ADCY4: variants seen among roughly 807,000 people sequenced by gnomAD.
ADCY4 encodes adenylate cyclase type 4.
Under a neutral mutation model 125.5 loss-of-function variants are expected in ADCY4, and 111 were observed. The ratio of observed to expected loss-of-function variants is 0.88; its 90% confidence interval spans 0.76 to 1.04. The LOEUF is 1.04. Among genes scored for constraint, ADCY4 ranks in the 50% least tolerant of loss-of-function variants. The pLI is 0.00. For missense variants in ADCY4, 1,256 were observed against 1,382.9 expected (o/e 0.91, Z 1.46); for synonymous variants, 576 against 586.9 (o/e 0.98, Z 0.27).
chr14:24,321,800 G>C, intron 20 of ADCY4: 4 of 1,174,944 alleles, frequency 3.4e-6, no homozygotes, highest in Non-Finnish European at 4.2e-6. Flanking sequence ...GCTCCAGACA[G>C]CTCCCATCAA....
chr14:24,332,939 C>T lies in ADCY4; in HGVS notation c.209G>A (p.Gly70Asp). The change falls in exon 2 of 25, where the codon GGC (glycine) becomes GAC (aspartate). Residue 70 changes from glycine to aspartate, a missense_variant. By Grantham distance (94) the Gly-to-Asp change is moderately conservative. Coordinates refer to ENST00000418030, the MANE Select transcript of ADCY4 (RefSeq NM_001198568.2). Reference sequence around the variant, plus strand: ...GAGGCCCAGCAGCAGCGAGAAGCCGCCCAGCGCGCACAGCACAGTGGTCAG... The same window carrying T: ...GAGGCCCAGCAGCAGCGAGAAGCCGTCCAGCGCGCACAGCACAGTGGTCAG... ...SFLTTVLCAL[G>D]GFSLLLGLAS... 1 of 1,593,838 alleles carries T rather than the reference C, an allele frequency of 6.3e-7. No homozygotes were observed. Among genetic ancestry groups the T allele is most frequent in the Non-Finnish European group, 8.6e-7 (1 of 1,168,762 alleles).
At chr14:24,328,615 C>T (rs549010396) in intron 10 of ADCY4, 14 of 169,770 alleles carry the variant, frequency 8.2e-5, no homozygotes, top group Admixed American at 1.8e-4. Flanking sequence ...ACATTCTTTA[C>T]CTTGCCCCTT....
In ADCY4 at chr14:24,329,919, G is replaced by C. The variant is rs144713022; in HGVS notation, c.1158C>G (p.Tyr386Ter). 1 of 1,614,080 alleles carries C rather than the reference G, an allele frequency of 6.2e-7. No individual in the cohort carries two copies. Among genetic ancestry groups the C allele is most frequent in the South Asian group, 1.1e-5 (1 of 91,082 alleles). ...GTGTGACATCATGTGACCAAACGTCGTACTGCCACTTCTGCAGCCCGATGA... is the reference window on the plus strand; with the variant it reads ...GTGTGACATCATGTGACCAAACGTCCTACTGCCACTTCTGCAGCCCGATGA... Reference protein sequence around the residue: ...CGVIGLQKWQYDVWSHDVTLA... With the variant: ...CGVIGLQKWQ The change falls in exon 8 of 25, where the codon TAC becomes TAG. Residue 386 changes from tyrosine to a stop codon, truncating the protein, a stop_gained. Coordinates refer to ENST00000418030, the MANE Select transcript of ADCY4 (RefSeq NM_001198568.2). LOFTEE classifies it high-confidence loss of function.
At chr14:24,331,461 C>T (rs2042039865) in intron 4 of ADCY4, 105 bp from the exon 5 acceptor site, 1 of 1,490,128 alleles carries the variant, frequency 6.7e-7, no homozygotes. Context: ...AGGTGCTCCC[C>T]AGGGTGCTCC....
chr14:24,331,852 G>A lies in ADCY4; in HGVS notation c.605C>T (p.Thr202Met). The change falls in exon 4 of 25, where the codon ACG (threonine) becomes ATG (methionine). Residue 202 changes from threonine to methionine, a missense_variant. Physicochemically the swap from Thr to Met is moderately conservative, Grantham distance 81. Coordinates refer to ENST00000418030, the MANE Select transcript of ADCY4 (RefSeq NM_001198568.2). The stretch of plus-strand genomic sequence containing the variant: ...CAGGGAGCTGAGTGCCTCCCGGAAC[G>A]TGGCCCGCAGGGCGCGCTCCATCAG... ...KALMERALRA[T>M]FREALSSLHS... 3 of 1,603,416 alleles carry A rather than the reference G, an allele frequency of 1.9e-6. No homozygotes were observed. Among genetic ancestry groups the A allele is most frequent in the Non-Finnish European group, 1.7e-6 (2 of 1,172,266 alleles).
intron 14 of ADCY4, 32 bp from the exon 15 acceptor site, chr14:24,324,423 G>C (rs756941014): frequency 1.3e-6 from 2 of 1,576,444 alleles, no homozygotes; most frequent in East Asian, 4.5e-5. Flanking sequence ...GCCTTGAAGT[G>C]CCAGAACAGG....
chr14:24,325,248 T>A (rs1215046714), intron 14 of ADCY4, 129 bp downstream of exon 14: 9 of 685,928 alleles, frequency 1.3e-5, no homozygotes, highest in Non-Finnish European at 1.7e-5. Context: ...CCAGAACACA[T>A]GTTTCCTCTG....
chr14:24,322,303 T>C (rs1427297135), intron 19 of ADCY4, 79 bp from the exon 20 acceptor site: 2 of 1,516,890 alleles, frequency 1.3e-6, no homozygotes, highest in African/African-American at 1.4e-5. Flanking sequence ...CCCAACTCCA[T>C]GATGCCTGAA....
At chr14:24,320,027 G>C (rs2041829049) in intron 20 of ADCY4, 139 bp from the exon 21 acceptor site, 1 of 1,004,358 alleles carries the variant, frequency 1.0e-6, no homozygotes, top group African/African-American at 1.6e-5. Flanking sequence ...GAGAGGAGTA[G>C]GGCCAGGCTA....
chr14:24,332,966 A>C lies in ADCY4; in HGVS notation c.182T>G (p.Phe61Cys), dbSNP rs2042070203. 6.4e-7 allele frequency: 1 copy of C among 1,555,840 alleles called. No homozygotes were observed. Among genetic ancestry groups the C allele is most frequent in the African/African-American group, 1.4e-5 (1 of 73,278 alleles). Residue 61 changes from phenylalanine (F) to cysteine (C), a missense_variant, in exon 2 of 25, where the codon TTC becomes TGC. Coordinates refer to ENST00000418030, the MANE Select transcript of ADCY4 (RefSeq NM_001198568.2). ...CAGCGCGCACAGCACAGTGGTCAGG[A>C]AGCTCGGGTCTGAGGTCAGCTCCTG... ...SGRELTSDPS[F>C]LTTVLCALGG...
In ADCY4 at chr14:24,325,872, C is replaced by A. The variant is rs773205544; in HGVS notation, c.1671G>T (p.Ser557=). The change falls in exon 13 of 25, where the codon TCG becomes TCT. Residue 557 remains serine, a synonymous_variant. Transcript: ENST00000418030. ...QLNSQKQWKQ[S]KDFNPLTLYF... ...ACAGTGTCAGTGGGTTGAAGTCCTT[C>A]GACTGCTTCCACTGTCTGGTGGGAG... The A allele has an allele frequency of 6.3e-7, 1 of 1,593,694 alleles. No homozygotes were observed. The highest frequency in any genetic ancestry group is 2.2e-5 in the East Asian group (1 of 44,630).
Position 24,334,794 on chromosome 14 carries a change from C to T in ADCY4, c.-142G>A, listed in dbSNP as rs985835488. Reference sequence around the variant, plus strand: ...GCCCCCAACCTCGTGGCAATCCCGTCTCCTTTTTCAGGCCCTCCCTGCGGC... The same window carrying T: ...GCCCCCAACCTCGTGGCAATCCCGTTTCCTTTTTCAGGCCCTCCCTGCGGC... On this transcript the variant is annotated 5_prime_UTR_variant, in exon 1 of 25. Transcript: ENST00000418030. 7.3e-6 allele frequency: 5 copies of T among 688,066 alleles called. No homozygotes were observed. The highest frequency in any genetic ancestry group is 1.2e-5 in the Non-Finnish European group (5 of 428,332). The allele number at this position is 688,066 out of a possible 1,614,324, so 42.6% of individuals were successfully genotyped here.
At chr14:24,331,594 A>C (rs1001194282) in intron 4 of ADCY4, 194 bp downstream of exon 4, 109 of 957,370 alleles carry the variant, frequency 1.1e-4, no homozygotes, top group Non-Finnish European at 1.5e-4. Context: ...TAATGCTCTA[A>C]AGTGCTTTTT....
intron 19 of ADCY4, 57 bp from the exon 20 acceptor site, chr14:24,322,281 TGA>T: frequency 4.5e-6 from 7 of 1,559,498 alleles, no homozygotes; most frequent in Non-Finnish European, 6.1e-6. Context: ...GCCCAGCTCC[TGA>T]GTGTTCAGCC....
chr14:24,324,486 T>A, intron 14 of ADCY4, 95 bp from the exon 15 acceptor site: 1 of 1,410,456 alleles, frequency 7.1e-7, no homozygotes, highest in Non-Finnish European at 9.9e-7. Context: ...ATAGGGGAAG[T>A]GGTTCTGGGG....
At chr14:24,324,504 GT>G in intron 14 of ADCY4, 113 bp from the exon 15 acceptor site, 1 of 1,260,816 alleles carries the variant, frequency 7.9e-7, no homozygotes, top group East Asian at 2.5e-5. Context: ...GGGAATCTGG[GT>G]TGGCTGGCGA....
intron 13 of ADCY4, 24 bp from the exon 14 acceptor site, chr14:24,325,498 G>A (rs1455287196): frequency 6.3e-7 from 1 of 1,593,116 alleles, no homozygotes; most frequent in Non-Finnish European, 8.6e-7. Context: ...GGCCAGAGGT[G>A]GAGACAGGGT....
rs2042020229 is a variant in ADCY4 at position 24,330,236 on chromosome 14, C to T, written c.990G>A (p.Leu330=). 5 of 1,614,106 alleles carry T rather than the reference C, an allele frequency of 3.1e-6. No individual in the cohort carries two copies. In the East Asian group the frequency reaches 1.1e-4, roughly 36 times the overall value. The part of the protein sequence containing the change: ...LGDCYYCVSG[L]PLSLPDHAIN... The stretch of plus-strand genomic sequence containing the variant: ...TGGCATGGTCTGGCAGTGAGAGTGG[C>T]AGCCCAGAGACACAGTAGTAACAGT... The change falls in exon 7 of 25, where the codon CTG becomes CTA. Residue 330 remains leucine, a synonymous_variant. Transcript: ENST00000418030.
intron 19 of ADCY4, 75 bp downstream of exon 19, chr14:24,322,549 G>T: frequency 1.3e-6 from 2 of 1,495,384 alleles, no homozygotes; most frequent in Non-Finnish European, 9.2e-7. Flanking sequence ...CAACCCTGGA[G>T]ATTAGAAAGA....
Sources: allele counts gnomAD v4.1 joint callset, GRCh38; gene constraint gnomAD v4.1.1; transcripts MANE v1.5; gene names NCBI Gene and HGNC (gene_info 2026-07-23, HGNC 2026-07-21).